SH3BP2: variants seen among roughly 807,000 people sequenced by gnomAD.
SH3BP2 encodes SH3 domain-binding protein 2.
In SH3BP2, 38 loss-of-function variants were observed where a neutral mutation model predicts 56.2. The observed-to-expected ratio is 0.68, with a 90% CI of 0.52 to 0.89. The LOEUF is 0.89. Among genes scored for constraint, SH3BP2 ranks in the 40% least tolerant of loss-of-function variants. The pLI is 0.00. For synonymous variants in SH3BP2, 346 were observed against 316.7 expected (o/e 1.09, Z -0.98); for missense variants, 748 against 762.6 (o/e 0.98, Z 0.23).
intron 1 of SH3BP2, among the ~76,000 whole-genome samples, chr4:2,799,793 T>G (rs1723184230): frequency 6.7e-6 from 1 of 150,136 alleles, no homozygotes; most frequent in Non-Finnish European, 1.5e-5. Context: ...GCCTCACGGA[T>G]CCCCCCGGGG....
chr4:2,798,201 C>A (rs76687156), intron 1 of SH3BP2, among the ~76,000 whole-genome samples: 1 of 152,154 alleles, frequency 6.6e-6, no homozygotes, highest in African/African-American at 2.4e-5. Context: ...AGCCGCCGAG[C>A]GGAGTCGGTG....
intron 6 of SH3BP2, 83 bp downstream of exon 6, chr4:2,827,401 T>C (rs1724728020): frequency 7.4e-7 from 1 of 1,359,496 alleles, no homozygotes; most frequent in South Asian, 1.2e-5. Flanking sequence ...GAGGGAGGTG[T>C]GTTCGGCTGT....
At chr4:2,822,751 G>A (rs922751958) in intron 2 of SH3BP2, among the ~76,000 whole-genome samples, 184 bp from the exon 3 acceptor site, 10 of 152,280 alleles carry the variant, frequency 6.6e-5, no homozygotes, top group African/African-American at 1.4e-4. Flanking sequence ...AATTTTTTCC[G>A]TATTTGGCCC....
At chr4:2,799,877 G>A (rs1267658414) in intron 1 of SH3BP2, among the ~76,000 whole-genome samples, 4 of 152,200 alleles carry the variant, frequency 2.6e-5, no homozygotes, top group Non-Finnish European at 4.4e-5. Context: ...CCCTGGTTTT[G>A]AAAAGGGAGA....
chr4:2,805,218 T>C (rs930619810), intron 1 of SH3BP2, among the ~76,000 whole-genome samples: 1 of 152,070 alleles, frequency 6.6e-6, no homozygotes, highest in Non-Finnish European at 1.5e-5. Flanking sequence ...GCCCGGAGGG[T>C]CAGCAGCCAG....
intron 10 of SH3BP2, 60 bp from the exon 11 acceptor site, chr4:2,832,271 A>C: frequency 7.3e-7 from 1 of 1,376,966 alleles, no homozygotes; most frequent in Non-Finnish European, 1.0e-6. Context: ...CGGGGCGGGA[A>C]GGTCCGTGTG....
Position 2,810,718 on chromosome 4 carries a change from C to G in SH3BP2, c.-4-9896C>G, listed in dbSNP as rs892845065. Among the ~76,000 whole-genome samples, 1 of 152,100 alleles carries G rather than the reference C, an allele frequency of 6.6e-6. No individual in the cohort carries two copies. The highest frequency in any genetic ancestry group is 1.5e-5 in the Non-Finnish European group (1 of 68,022). On this transcript the variant is annotated intron_variant, in intron 1 of 12. Coordinates refer to ENST00000503393, the MANE Select transcript of SH3BP2 (RefSeq NM_001122681.2). This position sits in a 1 kb window ranked among gnomAD's most constrained non-coding sequence, Gnocchi z 4.2. ...CTCCTCTATCAAAGCTGGGCCCCTC[C>G]TCTGGGAGGCGTTCCCCAGTCCAGA... is the stretch of plus-strand genomic sequence containing the variant.
At chr4:2,813,562 C>T (rs922895229) in intron 1 of SH3BP2, among the ~76,000 whole-genome samples, 6 of 152,216 alleles carry the variant, frequency 3.9e-5, no homozygotes, top group African/African-American at 1.4e-4. Flanking sequence ...CAGCTTGGCA[C>T]TGGGCCCTGG....
rs1283694648 is a variant in SH3BP2, at chr4:2,837,570, G to A, written c.*3736G>A. ...TAGAAAGGCAGATTGAAGCTCAGCA[G>A]GGAAGAGGCTTTTGAGGGTGATCCA... On this transcript the variant is annotated 3_prime_UTR_variant, in exon 13 of 13. Coordinates refer to ENST00000503393, the MANE Select transcript of SH3BP2 (RefSeq NM_001122681.2). The A allele has an allele frequency of 6.6e-6, 1 of 152,406 alleles. No homozygotes were observed. The highest frequency in any genetic ancestry group is 2.4e-5 in the African/African-American group (1 of 41,458). The allele number at this position is 152,406 out of a possible 1,614,324, so 9.4% of individuals were successfully genotyped here.
chr4:2,825,839 C>T (rs1033252148), intron 5 of SH3BP2, among the ~76,000 whole-genome samples: 2 of 152,356 alleles, frequency 1.3e-5, no homozygotes, highest in Non-Finnish European at 2.9e-5. Context: ...CCTGGCGGGG[C>T]GCCACTGGGC....
intron 10 of SH3BP2, 64 bp from the exon 11 acceptor site, chr4:2,832,267 G>T: frequency 2.2e-6 from 3 of 1,350,884 alleles, no homozygotes; most frequent in Non-Finnish European, 3.2e-6. Context: ...GGAGCGGGGC[G>T]GGAAGGTCCG....
intron 1 of SH3BP2, chr4:2,818,625 C>T (rs1490886145): frequency 3.5e-5 from 27 of 762,256 alleles, no homozygotes; most frequent in Non-Finnish European, 3.9e-5. Flanking sequence ...GGACTGGGCA[C>T]GGGGCTCCCT....
At chr4:2,796,291 T>A (rs1723060001) in intron 1 of SH3BP2, 1 of 434,624 alleles carries the variant, frequency 2.3e-6, no homozygotes. Flanking sequence ...GGTGGAGACC[T>A]GGGTCAGACA....
rs1192379933 is a variant in SH3BP2 at position 2,838,020 on chromosome 4, C to T, written c.*4186C>T. ...CGGACCCCTAGGAAGCTTCGCAGGC[C>T]TTCCAGGCTGCCAGACAGCTGCCCT... On this transcript the variant is annotated 3_prime_UTR_variant, in exon 13 of 13. Transcript: ENST00000503393. The T allele has an allele frequency of 6.6e-6, 1 of 152,354 alleles. No individual in the cohort carries two copies. Among genetic ancestry groups the T allele is most frequent in the African/African-American group, 2.4e-5 (1 of 41,468 alleles). The allele number at this position is 152,354 out of a possible 1,614,324, so 9.4% of individuals were successfully genotyped here. A position where few individuals can be genotyped will look rare whatever the true frequency, so the allele number is the denominator to read the frequency against.
chr4:2,817,288 G>A (rs1232143193), intron 1 of SH3BP2, among the ~76,000 whole-genome samples: 2 of 152,144 alleles, frequency 1.3e-5, no homozygotes, highest in African/African-American at 4.8e-5. Flanking sequence ...CTGAGGAGAG[G>A]AAGTGGAGGG....
intron 11 of SH3BP2, 125 bp from the exon 12 acceptor site, chr4:2,832,865 C>T (rs1725068307): frequency 3.1e-6 from 3 of 964,280 alleles, no homozygotes; most frequent in Non-Finnish European, 5.0e-6. Flanking sequence ...GAGTCCCTCC[C>T]CGCCCCCCGA....
intron 1 of SH3BP2, among the ~76,000 whole-genome samples, chr4:2,817,563 T>C (rs1577351528): frequency 1.3e-5 from 2 of 151,998 alleles, no homozygotes; most frequent in Non-Finnish European, 2.9e-5. Flanking sequence ...GGTGGCAGCT[T>C]GTTTGCAGGT....
intron 1 of SH3BP2, chr4:2,818,143 C>T (rs1287112969): frequency 1.0e-5 from 9 of 857,618 alleles, no homozygotes; most frequent in Non-Finnish European, 1.3e-5. Context: ...CCGGGAGGGG[C>T]GCGCCGGGAT....
In SH3BP2 at chr4:2,831,795, C is replaced by A. The variant is rs1725001516; in HGVS notation, c.1350+116C>A. 1 of 1,366,698 alleles carries A rather than the reference C, an allele frequency of 7.3e-7. No individual in the cohort carries two copies. Among genetic ancestry groups the A allele is most frequent in the African/African-American group, 1.4e-5 (1 of 69,690 alleles). The allele number at this position is 1,366,698 out of a possible 1,614,324, so 84.7% of individuals were successfully genotyped here. The stretch of plus-strand genomic sequence containing the variant: ...TCCTGAGCAAGGACCCCCCGAGAAC[C>A]CGGGAGCCTAGGGGGACACAGCACC... On this transcript the variant is annotated intron_variant, in intron 9 of 12. Coordinates refer to ENST00000503393, the MANE Select transcript of SH3BP2 (RefSeq NM_001122681.2). The surrounding 1 kb of genome is among the most constrained non-coding windows in gnomAD (Gnocchi z 4.1).
Sources: allele counts gnomAD v4.1 joint callset (sites outside exome capture counted in the v4.1 genomes callset), GRCh38; gene constraint gnomAD v4.1.1; non-coding constraint Gnocchi (gnomAD v3.1); transcripts MANE v1.5; gene names NCBI Gene and HGNC (gene_info 2026-07-23, HGNC 2026-07-21).